LRRC37A2: variants seen among roughly 807,000 people sequenced by gnomAD.
The protein encoded by LRRC37A2 is leucine-rich repeat-containing protein 37A2.
LRRC37A2 carries 9 observed loss-of-function variants against 68.8 expected under a neutral mutation model. That is an observed-to-expected ratio of 0.13 (90% CI 0.08 to 0.23). LRRC37A2 has a LOEUF of 0.23. Among genes scored for constraint, LRRC37A2 ranks in the 10% least tolerant of loss-of-function variants. LRRC37A2 has a pLI of 1.00. For synonymous variants in LRRC37A2, 63 were observed against 367.6 expected (o/e 0.17, Z 9.48); for missense variants, 168 against 950.4 (o/e 0.18, Z 10.82).
At chr17:46,750,408 T>G in the LRRC37A2 span, among the ~76,000 whole-genome samples, 2 of 152,198 alleles carry the variant, frequency 1.3e-5, no homozygotes, top group Admixed American at 1.3e-4. Context: ...TTTCAGATTT[T>G]GGAATATTGC....
At chr17:46,713,248 A>G in the LRRC37A2 span, 1 of 152,470 alleles carries the variant, frequency 6.6e-6, no homozygotes, top group African/African-American at 2.4e-5. Flanking sequence ...GAAAGGAACA[A>G]TCAGTAATGT....
the LRRC37A2 span, among the ~76,000 whole-genome samples, chr17:46,766,135 G>A: frequency 6.6e-5 from 10 of 152,202 alleles, no homozygotes; most frequent in East Asian, 7.7e-4. Context: ...CTGGCCGGGC[G>A]CGGTGGCTCA....
At chr17:46,492,254 C>T in the LRRC37A2 span, among the ~76,000 whole-genome samples, 2 of 151,190 alleles carry the variant, frequency 1.3e-5, no homozygotes, top group South Asian at 2.1e-4. Flanking sequence ...TGTGAGCCAT[C>T]GCGCCCGGCC....
the LRRC37A2 span, among the ~76,000 whole-genome samples, chr17:47,038,219 T>C: frequency 6.6e-6 from 1 of 152,138 alleles, no homozygotes; most frequent in South Asian, 2.1e-4. Context: ...GGCAGGAGGA[T>C]CACTTGAGGA....
At chr17:46,931,142 C>G in the LRRC37A2 span, 1 of 1,610,938 alleles carries the variant, frequency 6.2e-7, no homozygotes, top group Non-Finnish European at 8.5e-7. Context: ...AGATATTCAG[C>G]CGTCTAGAAC....
chr17:46,886,688 T>C, the LRRC37A2 span: 1 of 152,412 alleles, frequency 6.6e-6, no homozygotes, highest in Admixed American at 6.5e-5. Flanking sequence ...TTCGGAGGGA[T>C]GCCCAATTCT....
the LRRC37A2 span, among the ~76,000 whole-genome samples, chr17:46,913,604 G>A: frequency 6.6e-6 from 1 of 152,202 alleles, no homozygotes; most frequent in Non-Finnish European, 1.5e-5. Context: ...GAGGAGAGCT[G>A]CAATTATTCT....
chr17:46,493,043 A>T, the LRRC37A2 span, among the ~76,000 whole-genome samples: 1 of 138,978 alleles, frequency 7.2e-6, no homozygotes, highest in Non-Finnish European at 1.5e-5. Context: ...ATATGGTGGT[A>T]GCTTCTTCTG....
the LRRC37A2 span, among the ~76,000 whole-genome samples, chr17:46,722,656 G>T: frequency 1.2e-4 from 19 of 152,198 alleles, no homozygotes; most frequent in African/African-American, 4.6e-4. Flanking sequence ...GGGACTAAGG[G>T]ACTGAGGAGA....
the LRRC37A2 span, among the ~76,000 whole-genome samples, chr17:46,833,739 A>AACAGG: frequency 1.3e-5 from 2 of 152,164 alleles, no homozygotes; most frequent in African/African-American, 4.8e-5. Flanking sequence ...CGTCCTGGAA[A>AACAGG]ACAGGCCTGC....
chr17:46,727,557 T>C, the LRRC37A2 span, among the ~76,000 whole-genome samples: 1 of 152,192 alleles, frequency 6.6e-6, no homozygotes. Context: ...TTTGGTCCTC[T>C]GTTATTTATT....
chr17:46,795,445 C>T, the LRRC37A2 span, among the ~76,000 whole-genome samples: 7 of 152,244 alleles, frequency 4.6e-5, no homozygotes, highest in South Asian at 2.1e-4. Flanking sequence ...CCAGCCGGCC[C>T]GTGGGCAAAG....
the LRRC37A2 span, among the ~76,000 whole-genome samples, chr17:46,744,336 A>G: frequency 4.6e-5 from 7 of 152,350 alleles, no homozygotes; most frequent in Middle Eastern, 6.8e-3. Flanking sequence ...TTTCACTCTC[A>G]TTTACAAAAA....
At chr17:46,774,078 G>A in the LRRC37A2 span, among the ~76,000 whole-genome samples, 3 of 152,246 alleles carry the variant, frequency 2.0e-5, no homozygotes, top group Non-Finnish European at 4.4e-5. Context: ...CCCTCAAAGC[G>A]CAGAGCTCTG....
the LRRC37A2 span, among the ~76,000 whole-genome samples, chr17:46,703,996 C>G: frequency 6.6e-6 from 1 of 150,908 alleles, no homozygotes; most frequent in African/African-American, 2.4e-5. Flanking sequence ...ATATGGTCCT[C>G]AAGGTTCGTC....
chr17:46,796,192 T>A, the LRRC37A2 span, among the ~76,000 whole-genome samples: 1 of 151,994 alleles, frequency 6.6e-6, no homozygotes, highest in South Asian at 2.1e-4. Context: ...GAGAAAAACA[T>A]CCCCCACTTC....
At chr17:46,913,156 A>G in the LRRC37A2 span, among the ~76,000 whole-genome samples, 58,832 of 152,176 alleles carry the variant, frequency 0.39, 11,508 homozygotes, top group South Asian at 0.48. Flanking sequence ...CGCTAAGGGC[A>G]GTTTTTAATC....
At chr17:47,016,008 G>A in the LRRC37A2 span, among the ~76,000 whole-genome samples, 6 of 151,980 alleles carry the variant, frequency 3.9e-5, no homozygotes, top group Admixed American at 2.0e-4. Flanking sequence ...GCAATGTTGC[G>A]ATCTCGGCTC....
the LRRC37A2 span, among the ~76,000 whole-genome samples, chr17:46,469,790 T>C: frequency 4.7e-5 from 3 of 64,074 alleles, 1 homozygote; most frequent in African/African-American, 1.6e-4. Context: ...ACTGTCAGTC[T>C]TCCACCCTAC....
Sources: allele counts gnomAD v4.1 joint callset (sites outside exome capture counted in the v4.1 genomes callset), GRCh38; gene constraint gnomAD v4.1.1; transcripts MANE v1.5; gene names NCBI Gene and HGNC (gene_info 2026-07-23, HGNC 2026-07-21).